The following LRP1B variants were observed in gnomAD, a reference collection of about 807,000 sequenced individuals.
The protein encoded by LRP1B is LDL receptor related protein 1B, also known as low-density lipoprotein receptor-related protein 1B.
Under a neutral mutation model 556.6 loss-of-function variants are expected in LRP1B, and 217 were observed. The ratio of observed to expected loss-of-function variants is 0.39; its 90% confidence interval spans 0.35 to 0.44. LRP1B has a LOEUF of 0.44. LRP1B is among the 20% of genes least tolerant of loss of function. The pLI is 1.00. For synonymous variants in LRP1B, 2,047 were observed against 1,865.8 expected (o/e 1.10, Z -2.50); for missense variants, 5,053 against 5,620.8 (o/e 0.90, Z 3.23).
At chr2:140,732,765 A>C (rs1687820652) in intron 35 of LRP1B, among the ~76,000 whole-genome samples, 1 of 152,156 alleles carries the variant, frequency 6.6e-6, no homozygotes. Flanking sequence ...CATATAATTT[A>C]ATTGTTAAAA....
At chr2:140,849,569 T>G (rs1196502823) in intron 29 of LRP1B, among the ~76,000 whole-genome samples, 1 of 152,120 alleles carries the variant, frequency 6.6e-6, no homozygotes, top group East Asian at 1.9e-4. Flanking sequence ...GATGGAGTTT[T>G]GCTCTTCTTG....
rs535621662 is a variant in LRP1B at position 142,025,929 on chromosome 2, T to C, written c.82+104719A>G. 1.2e-3 allele frequency among the ~76,000 whole-genome samples: 186 copies of C among 152,200 alleles called. 2 individuals are homozygous for C. The highest frequency in any genetic ancestry group is 0.012 in the Admixed American group (182 of 15,276). On this transcript the variant is annotated intron_variant, in intron 1 of 90. Coordinates refer to ENST00000389484, the MANE Select transcript of LRP1B (RefSeq NM_018557.3). The stretch of plus-strand genomic sequence containing the variant: ...TAGATTTGACCTACTACCCAGCATC[T>C]TCCATAAATTTTCACTCTCCATTGC...
intron 31 of LRP1B, among the ~76,000 whole-genome samples, chr2:140,822,174 A>G (rs1271862556): frequency 6.6e-6 from 1 of 152,220 alleles, no homozygotes; most frequent in African/African-American, 2.4e-5. Context: ...CATAGAAATC[A>G]CTGTCATCAG....
intron 87 of LRP1B, among the ~76,000 whole-genome samples, chr2:140,242,497 T>C (rs938829395): frequency 2.6e-5 from 4 of 151,244 alleles, no homozygotes; most frequent in African/African-American, 9.7e-5. Context: ...CTCCAGACCC[T>C]GAAAATATAC....
At chr2:141,692,781 A>AACCT (rs1691592974) in intron 2 of LRP1B, among the ~76,000 whole-genome samples, 1 of 152,030 alleles carries the variant, frequency 6.6e-6, no homozygotes. Flanking sequence ...CTAAGCCACA[A>AACCT]ACCTGTACAT....
chr2:141,630,921 A>C (rs2105349136), intron 2 of LRP1B, among the ~76,000 whole-genome samples: 1 of 152,206 alleles, frequency 6.6e-6, no homozygotes, highest in African/African-American at 2.4e-5. Context: ...TCATTCTTTA[A>C]GAAACATATT....
chr2:141,360,708 C>A (rs1688792491), intron 3 of LRP1B, among the ~76,000 whole-genome samples: 1 of 152,124 alleles, frequency 6.6e-6, no homozygotes, highest in Non-Finnish European at 1.5e-5. Flanking sequence ...GGACAATTCC[C>A]CGGCAGGAGG....
intron 11 of LRP1B, among the ~76,000 whole-genome samples, chr2:141,036,179 A>G (rs954527033): frequency 2.0e-5 from 3 of 152,096 alleles, no homozygotes; most frequent in Admixed American, 6.6e-5. Flanking sequence ...CAGAACACAT[A>G]AAGTATTACT....
intron 22 of LRP1B, among the ~76,000 whole-genome samples, chr2:140,904,287 A>G (rs1307981660): frequency 6.6e-6 from 1 of 152,128 alleles, no homozygotes; most frequent in Admixed American, 6.6e-5. Flanking sequence ...ATCATTATCT[A>G]CCACTGTGTA....
In LRP1B at chr2:140,404,145, G is replaced by A. The variant is rs998080779; in HGVS notation, c.10415-18136C>T. ...AACTCTAAATCTTGAAACAAAAGCTGGATCTGTACCAAAATAGAACTTCTT... is the reference window on the plus strand; with the variant it reads ...AACTCTAAATCTTGAAACAAAAGCTAGATCTGTACCAAAATAGAACTTCTT... On this transcript the variant is annotated intron_variant, in intron 66 of 90. Coordinates refer to ENST00000389484, the MANE Select transcript of LRP1B (RefSeq NM_018557.3). 2.0e-4 allele frequency among the ~76,000 whole-genome samples: 30 copies of A among 150,318 alleles called. 1 individual carries two copies. The highest frequency in any genetic ancestry group is 2.0e-3 in the Admixed American group (30 of 15,074).
intron 2 of LRP1B, among the ~76,000 whole-genome samples, chr2:141,753,163 G>A (rs556511209): frequency 1.4e-5 from 2 of 145,028 alleles, no homozygotes; most frequent in East Asian, 2.0e-4. Flanking sequence ...CAGGAGAATC[G>A]CTTGAACCTG....
intron 3 of LRP1B, among the ~76,000 whole-genome samples, chr2:141,438,153 C>T (rs534607503): frequency 8.5e-5 from 13 of 152,148 alleles, no homozygotes; most frequent in African/African-American, 1.2e-4. Context: ...CATAGGATAA[C>T]GACTGTAGAG....
intron 83 of LRP1B, among the ~76,000 whole-genome samples, chr2:140,303,528 T>A (rs1308620212): frequency 6.6e-6 from 1 of 152,094 alleles, no homozygotes; most frequent in Admixed American, 6.6e-5. Context: ...ATTACAGGCG[T>A]GAGACACCAC....
At chr2:141,202,381 G>T (rs765307581) in intron 6 of LRP1B, among the ~76,000 whole-genome samples, 7 of 152,098 alleles carry the variant, frequency 4.6e-5, no homozygotes, top group Non-Finnish European at 8.8e-5. Context: ...TAACATACAC[G>T]TGCATGTGTC....
chr2:142,086,413 T>C (rs1339122527), intron 1 of LRP1B, among the ~76,000 whole-genome samples: 1 of 152,110 alleles, frequency 6.6e-6, no homozygotes, highest in Non-Finnish European at 1.5e-5. Context: ...ATAGAGACCA[T>C]CCTGGCCAAC....
In LRP1B at chr2:140,791,070, A is replaced by G. The variant is rs555426615; in HGVS notation, c.5360-14832T>C. On this transcript the variant is annotated intron_variant, in intron 32 of 90. Transcript: ENST00000389484. Reference sequence around the variant, plus strand: ...AGAGATCGAGACCATCCTGGCCAACATGGTGAAACCCTATCTCTACTAAAA... The same window carrying G: ...AGAGATCGAGACCATCCTGGCCAACGTGGTGAAACCCTATCTCTACTAAAA... 3.9e-5 allele frequency among the ~76,000 whole-genome samples: 6 copies of G among 152,076 alleles called. No homozygotes were observed. In the East Asian group the frequency reaches 1.2e-3, roughly 30 times the overall value.
chr2:140,841,391 C>A (rs1210732065), intron 29 of LRP1B, among the ~76,000 whole-genome samples: 2 of 152,084 alleles, frequency 1.3e-5, no homozygotes, highest in Admixed American at 1.3e-4. Context: ...GTCTTATGAG[C>A]CAAGGTAACC....
intron 43 of LRP1B, among the ~76,000 whole-genome samples, chr2:140,572,401 A>G (rs1359867526): frequency 6.6e-6 from 1 of 151,782 alleles, no homozygotes; most frequent in Admixed American, 6.6e-5. Context: ...AAAACGGTCA[A>G]CATCACTAAT....
intron 2 of LRP1B, among the ~76,000 whole-genome samples, chr2:141,723,328 A>C (rs1213036976): frequency 6.6e-6 from 1 of 150,440 alleles, no homozygotes; most frequent in Non-Finnish European, 1.5e-5. Flanking sequence ...TTATATCTTA[A>C]AAATTCAGTT....
Sources: allele counts gnomAD v4.1 joint callset (sites outside exome capture counted in the v4.1 genomes callset), GRCh38; gene constraint gnomAD v4.1.1; transcripts MANE v1.5; gene names NCBI Gene and HGNC (gene_info 2026-07-23, HGNC 2026-07-21).